Variants in RAB6A observed in about 807,000 individuals in gnomAD.
RAB6A encodes RAB6A, member RAS oncogene family, also known as ras-related protein Rab-6A.
In RAB6A, 8 loss-of-function variants were observed where a neutral mutation model predicts 32.3. The observed-to-expected ratio is 0.25, with a 90% CI of 0.15 to 0.45. The LOEUF is 0.45. RAB6A is among the 20% of genes least tolerant of loss of function. The probability of loss-of-function intolerance (pLI) is 1.00; values close to 1 mark genes in which losing one functional copy is unlikely to be tolerated. For missense variants in RAB6A, 104 were observed against 249.4 expected (o/e 0.42, Z 3.93); for synonymous variants, 73 against 82.1 (o/e 0.89, Z 0.60).
At chr11:73,748,688 G>A (rs1287270291) in intron 1 of RAB6A, among the ~76,000 whole-genome samples, 1 of 152,118 alleles carries the variant, frequency 6.6e-6, no homozygotes, top group African/African-American at 2.4e-5. Flanking sequence ...CCATAATGAA[G>A]AGTCAAAAAA....
intron 2 of RAB6A, 196 bp downstream of exon 2, chr11:73,730,569 G>C (rs1366147418): frequency 1.9e-6 from 1 of 524,188 alleles, no homozygotes; most frequent in Non-Finnish European, 3.3e-6. Context: ...CTTTGGAAGA[G>C]ACAAAAGAAA....
At chr11:73,756,449 AAAG>A (rs1389817444) in intron 1 of RAB6A, among the ~76,000 whole-genome samples, 3 of 152,210 alleles carry the variant, frequency 2.0e-5, no homozygotes, top group Non-Finnish European at 2.9e-5. Context: ...TGATGGAAAA[AAAG>A]AAAAGGCAAT....
chr11:73,726,726 G>C (rs1946229724), intron 2 of RAB6A, among the ~76,000 whole-genome samples: 1 of 150,886 alleles, frequency 6.6e-6, no homozygotes. Flanking sequence ...CTCCAGCCTG[G>C]GTGACAGAGT....
intron 6 of RAB6A, among the ~76,000 whole-genome samples, chr11:73,702,092 G>A (rs893349966): frequency 4.6e-5 from 7 of 152,344 alleles, no homozygotes; most frequent in Admixed American, 3.9e-4. Context: ...ATACATCGTT[G>A]TTGTTATAGG....
At chr11:73,723,693 A>G (rs945162764) in intron 2 of RAB6A, among the ~76,000 whole-genome samples, 1 of 152,210 alleles carries the variant, frequency 6.6e-6, no homozygotes, top group Non-Finnish European at 1.5e-5. Flanking sequence ...CTGTGGTAAA[A>G]GAATAAAAAG....
chr11:73,679,518 C>G (rs1945320056), intron 7 of RAB6A, 136 bp downstream of exon 7: 1 of 1,081,146 alleles, frequency 9.2e-7, no homozygotes, highest in Non-Finnish European at 1.4e-6. Context: ...CTATAGAAAA[C>G]AAATGAATTT....
intron 6 of RAB6A, among the ~76,000 whole-genome samples, chr11:73,683,181 C>T (rs929303005): frequency 2.6e-5 from 4 of 151,114 alleles, no homozygotes; most frequent in Admixed American, 6.6e-5. Context: ...CAAACGTTAA[C>T]AGCATTTTGC....
intron 1 of RAB6A, among the ~76,000 whole-genome samples, chr11:73,740,346 A>G (rs1250825927): frequency 6.6e-6 from 1 of 152,084 alleles, no homozygotes; most frequent in African/African-American, 2.4e-5. Context: ...GACAGTTGAG[A>G]AAAGTACCTA....
chr11:73,685,366 G>A lies in RAB6A; in HGVS notation c.496-5646C>T, dbSNP rs1004858289. On this transcript the variant is annotated intron_variant, in intron 6 of 7. Coordinates refer to ENST00000336083, the MANE Select transcript of RAB6A (RefSeq NM_198896.2). ...TGCAGTGGCGCGATCTCAGCTCACT[G>A]CAACCTCTGCCTCCTGGGTTCAAGC... Among the ~76,000 whole-genome samples, 16 of 137,860 alleles carry A rather than the reference G, an allele frequency of 1.2e-4. No individual in the cohort carries two copies. The South Asian group carries it at 2.2e-3, about 19-fold the overall frequency. 90.4% of individuals were successfully genotyped at this position (137,860 alleles called of 152,430 possible).
intron 5 of RAB6A, among the ~76,000 whole-genome samples, 185 bp from the exon 6 acceptor site, chr11:73,707,698 AT>A (rs1158254294): frequency 1.3e-5 from 2 of 152,144 alleles, no homozygotes; most frequent in East Asian, 1.9e-4. Flanking sequence ...TATACTTAAC[AT>A]TTTTTTAAAG....
At chr11:73,743,260 G>T (rs923537345) in intron 1 of RAB6A, among the ~76,000 whole-genome samples, 2 of 147,462 alleles carry the variant, frequency 1.4e-5, no homozygotes, top group African/African-American at 5.0e-5. Flanking sequence ...ACCCAAGATT[G>T]CGCCACCGCA....
At chr11:73,716,174 A>C in intron 5 of RAB6A, 77 bp downstream of exon 5, 1 of 1,162,666 alleles carries the variant, frequency 8.6e-7, no homozygotes, top group Non-Finnish European at 1.2e-6. Flanking sequence ...TCCTTTCAAA[A>C]CAATTTCTCA....
chr11:73,691,541 C>T (rs960427528), intron 6 of RAB6A, among the ~76,000 whole-genome samples: 15 of 152,222 alleles, frequency 9.9e-5, no homozygotes, highest in African/African-American at 3.6e-4. Flanking sequence ...ATCTTTCCCT[C>T]TAGACTTTAA....
chr11:73,715,540 G>A (rs1342922317), intron 5 of RAB6A, among the ~76,000 whole-genome samples: 1 of 152,098 alleles, frequency 6.6e-6, no homozygotes, highest in Non-Finnish European at 1.5e-5. Context: ...TTCATTACCC[G>A]AATTTCAATA....
At chr11:73,684,758 G>A (rs1239919708) in intron 6 of RAB6A, among the ~76,000 whole-genome samples, 2 of 148,762 alleles carry the variant, frequency 1.3e-5, no homozygotes, top group Admixed American at 1.4e-4. Context: ...GATTTCACAG[G>A]GAAGAGTTTC....
At position 73,684,925 on chromosome 11, in the gene RAB6A, G is replaced by GT. The variant is rs1247226559; in HGVS notation, c.496-5206dup. Among the ~76,000 whole-genome samples the GT allele has an allele frequency of 2.0e-5, 3 of 152,198 alleles. No homozygotes were observed. The East Asian group carries it at 5.8e-4, about 29-fold the overall frequency. On this transcript the variant is annotated intron_variant, in intron 6 of 7. Transcript: ENST00000336083. Reference sequence around the variant, plus strand: ...AAAGACCTTCCCTCACATCCTGTGGGTAAAGGAAGCCACTAAAAATAGTAG... The same window carrying GT: ...AAAGACCTTCCCTCACATCCTGTGGGTTAAAGGAAGCCACTAAAAATAGTAG...
At chr11:73,721,761 T>C (rs1202143788) in intron 2 of RAB6A, among the ~76,000 whole-genome samples, 6 of 152,122 alleles carry the variant, frequency 3.9e-5, no homozygotes, top group Non-Finnish European at 7.3e-5. Flanking sequence ...ACATACTTTT[T>C]CCCTAAATAT....
At chr11:73,692,243 G>A (rs756339653) in intron 6 of RAB6A, among the ~76,000 whole-genome samples, 4 of 151,898 alleles carry the variant, frequency 2.6e-5, no homozygotes, top group African/African-American at 4.8e-5. Context: ...AGTGGCTCAC[G>A]CCTGTAATCC....
chr11:73,740,406 A>G (rs1280170653), intron 1 of RAB6A, among the ~76,000 whole-genome samples: 1 of 152,194 alleles, frequency 6.6e-6, no homozygotes, highest in Admixed American at 6.5e-5. Flanking sequence ...CTGCAATATC[A>G]TATCCAAGGG....
Sources: gnomAD v4.1 joint callset for allele counts (sites outside exome capture counted in the v4.1 genomes callset) on GRCh38, gnomAD v4.1.1 for gene constraint, MANE v1.5 for transcripts, NCBI Gene and HGNC (gene_info 2026-07-23, HGNC 2026-07-21) for gene names.